ZNHIT6: variants seen among roughly 807,000 people sequenced by gnomAD.
The protein encoded by ZNHIT6 is box C/D snoRNA protein 1.
A neutral mutation model predicts 57.2 loss-of-function variants in ZNHIT6; 45 were observed. The observed-to-expected ratio is 0.79, with a 90% confidence interval of 0.62 to 1.01. The LOEUF (loss-of-function observed/expected upper bound fraction) is 1.01. Ranked by LOEUF, ZNHIT6 falls within the 50% of genes least tolerant of loss-of-function variation. The pLI is 0.00. For synonymous variants in ZNHIT6, 188 were observed against 190.0 expected (o/e 0.99, Z 0.09); for missense variants, 528 against 567.3 (o/e 0.93, Z 0.70).
intron 9 of ZNHIT6, among the ~76,000 whole-genome samples, chr1:85,656,744 A>T (rs1661070774): frequency 6.6e-6 from 1 of 152,306 alleles, no homozygotes. Context: ...ATAATTTATT[A>T]TTAGAAACAT....
rs986159119 is a variant in ZNHIT6, at chr1:85,708,137, C to A, written c.148G>T (p.Gly50Trp). Residue 50 changes from glycine to tryptophan, a missense_variant, in exon 1 of 10, where the codon GGG becomes TGG. Gly to Trp is a radical substitution (Grantham distance 184). Transcript: ENST00000370574. ...EEFGGGEEGTGLTGIKEIGDG... is the reference protein window; with the variant it reads ...EEFGGGEEGTWLTGIKEIGDG... Reference sequence around the variant, plus strand: ...CCTATCTCCTTTATCCCTGTCAGCCCTGTCCCCTCCTCTCCGCCGCCGAAC... The same window carrying A: ...CCTATCTCCTTTATCCCTGTCAGCCATGTCCCCTCCTCTCCGCCGCCGAAC... The A allele has an allele frequency of 1.2e-6, 2 of 1,614,182 alleles. No individual in the cohort carries two copies. The highest frequency in any genetic ancestry group is 1.7e-5 in the Admixed American group (1 of 60,022).
chr1:85,663,115 G>C (rs1280476974), intron 8 of ZNHIT6, among the ~76,000 whole-genome samples: 2 of 152,158 alleles, frequency 1.3e-5, no homozygotes, highest in East Asian at 1.9e-4. Flanking sequence ...TGGTAGGAAA[G>C]ATACCTACTC....
chr1:85,691,653 T>C (rs1662222844), intron 5 of ZNHIT6, among the ~76,000 whole-genome samples: 1 of 152,210 alleles, frequency 6.6e-6, no homozygotes, highest in South Asian at 2.1e-4. Flanking sequence ...TCCCAGCACT[T>C]TGGGAGGCCG....
chr1:85,684,921 G>T (rs1317046188), intron 5 of ZNHIT6, among the ~76,000 whole-genome samples: 1 of 152,086 alleles, frequency 6.6e-6, no homozygotes, highest in Non-Finnish European at 1.5e-5. Flanking sequence ...CTTTTAAATG[G>T]CACTGCTCTA....
chr1:85,672,874 C>G (rs1330417760), intron 8 of ZNHIT6, among the ~76,000 whole-genome samples: 1 of 150,978 alleles, frequency 6.6e-6, no homozygotes, highest in Non-Finnish European at 1.5e-5. Context: ...ATCTAAATTT[C>G]TTTCTGGTAA....
chr1:85,667,947 C>CAAAAAAAAAAA lies in ZNHIT6; in HGVS notation c.1247+9278_1247+9288dup, dbSNP rs1156795211. ...AGACTCATTCACTCACTCTCTCTTT[C>CAAAAAAAAAAA]AAAAAAAAAAAAAAATATATATATA... On this transcript the variant is annotated intron_variant, in intron 8 of 9. Coordinates refer to ENST00000370574, the MANE Select transcript of ZNHIT6 (RefSeq NM_017953.4). Among the ~76,000 whole-genome samples the CAAAAAAAAAAA allele has an allele frequency of 9.8e-3, 90 of 9,170 alleles. 11 individuals are homozygous for CAAAAAAAAAAA. The highest frequency in any genetic ancestry group is 0.034 in the East Asian group (12 of 352). The allele number at this position is 9,170 out of a possible 152,430, so 6.0% of individuals were successfully genotyped here. A position where few individuals can be genotyped will look rare whatever the true frequency, so the allele number is the denominator to read the frequency against.
intron 8 of ZNHIT6, 101 bp from the exon 9 acceptor site, chr1:85,658,072 A>C: frequency 1.3e-6 from 1 of 791,120 alleles, no homozygotes; most frequent in Non-Finnish European, 1.9e-6. Context: ...AATTTTTTAA[A>C]GGTGATGACA....
intron 5 of ZNHIT6, among the ~76,000 whole-genome samples, chr1:85,687,549 G>A (rs1662098474): frequency 6.6e-6 from 1 of 152,022 alleles, no homozygotes; most frequent in South Asian, 2.1e-4. Context: ...AAAAAACAGT[G>A]AATTGAAGGG....
At chr1:85,705,363 C>T (rs114166575) in intron 4 of ZNHIT6, among the ~76,000 whole-genome samples, 6,251 of 152,034 alleles carry the variant, frequency 0.041, 459 homozygotes, top group African/African-American at 0.14. Context: ...TACAGGGGCA[C>T]GCCACCACGC....
chr1:85,658,773 A>G (rs1243660554), intron 8 of ZNHIT6, among the ~76,000 whole-genome samples: 1 of 151,970 alleles, frequency 6.6e-6, no homozygotes, highest in Non-Finnish European at 1.5e-5. Context: ...CGGGAGGCTG[A>G]GGTGGGAGAA....
chr1:85,689,609 A>G (rs1029989281), intron 5 of ZNHIT6, among the ~76,000 whole-genome samples: 1 of 152,226 alleles, frequency 6.6e-6, no homozygotes, highest in Non-Finnish European at 1.5e-5. Flanking sequence ...AGTAGAAAGT[A>G]TATTAAGAAA....
At position 85,708,344 on chromosome 1, in the gene ZNHIT6, A is replaced by G. The variant is rs535210396; in HGVS notation, c.-60T>C. ...TCCTTCAATGTGGCTGCTGCACACC[A>G]ATAGGAGGAATTACCGGTCGGAATA... On this transcript the variant is annotated 5_prime_UTR_variant, in exon 1 of 10. Coordinates refer to ENST00000370574, the MANE Select transcript of ZNHIT6 (RefSeq NM_017953.4). The G allele has an allele frequency of 2.1e-5, 32 of 1,522,300 alleles. No individual in the cohort carries two copies. The African/African-American group carries it at 3.8e-4, about 18-fold the overall frequency. The allele number at this position is 1,522,300 out of a possible 1,614,324, so 94.3% of individuals were successfully genotyped here.
chr1:85,686,253 A>G (rs1662036000), intron 5 of ZNHIT6, among the ~76,000 whole-genome samples: 2 of 152,046 alleles, frequency 1.3e-5, no homozygotes, highest in South Asian at 2.1e-4. Flanking sequence ...GAGCCACCGC[A>G]CCCACCCTTA....
intron 8 of ZNHIT6, among the ~76,000 whole-genome samples, chr1:85,663,869 C>A (rs765509359): frequency 2.6e-5 from 4 of 152,122 alleles, no homozygotes; most frequent in Non-Finnish European, 4.4e-5. Flanking sequence ...AATATAGGCC[C>A]CCAAACTCTC....
intron 8 of ZNHIT6, among the ~76,000 whole-genome samples, chr1:85,673,505 T>G (rs895967834): frequency 6.6e-6 from 1 of 152,138 alleles, no homozygotes; most frequent in Non-Finnish European, 1.5e-5. Flanking sequence ...CTTCCAAGAA[T>G]GGAAAGTAAA....
chr1:85,706,613 A>G, intron 1 of ZNHIT6, 106 bp from the exon 2 acceptor site: 1 of 1,021,336 alleles, frequency 9.8e-7, no homozygotes, highest in Non-Finnish European at 1.3e-6. Flanking sequence ...GTAACTGATA[A>G]AATATTTGAT....
At chr1:85,654,154 G>T in intron 9 of ZNHIT6, 56 bp from the exon 10 acceptor site, 1 of 1,487,952 alleles carries the variant, frequency 6.7e-7, no homozygotes, top group Non-Finnish European at 9.2e-7. Flanking sequence ...TGTTTAGGTT[G>T]CTCTGTCCCT....
chr1:85,680,950 G>T (rs1301716876), intron 5 of ZNHIT6, 46 bp from the exon 6 acceptor site: 9 of 1,422,936 alleles, frequency 6.3e-6, no homozygotes, highest in Non-Finnish European at 8.8e-6. Flanking sequence ...GATAATAAAA[G>T]TCTGGATGCA....
At chr1:85,684,503 A>G (rs1661969851) in intron 5 of ZNHIT6, among the ~76,000 whole-genome samples, 2 of 152,316 alleles carry the variant, frequency 1.3e-5, no homozygotes, top group South Asian at 4.1e-4. Context: ...TATACAGTGT[A>G]TCTATGGTAT....
Sources: allele counts gnomAD v4.1 joint callset (sites outside exome capture counted in the v4.1 genomes callset), GRCh38; gene constraint gnomAD v4.1.1; transcripts MANE v1.5; gene names NCBI Gene and HGNC (gene_info 2026-07-23, HGNC 2026-07-21).